The following CNKSR3 variants were observed in gnomAD, a reference collection of about 807,000 sequenced individuals.
The protein encoded by CNKSR3 is CNKSR family member 3.
A neutral mutation model predicts 67.7 loss-of-function variants in CNKSR3; 36 were observed. That is an observed-to-expected ratio of 0.53 (90% CI 0.41 to 0.70). The LOEUF (loss-of-function observed/expected upper bound fraction) is 0.70. Ranked by LOEUF, CNKSR3 falls within the 30% of genes least tolerant of loss-of-function variation. CNKSR3 has a pLI of 0.00. For synonymous variants in CNKSR3, 281 were observed against 271.4 expected (o/e 1.04, Z -0.35); for missense variants, 630 against 695.2 (o/e 0.91, Z 1.05).
At chr6:154,433,530 T>A in intron 4 of CNKSR3, 23 bp from the exon 5 acceptor site, 1 of 1,562,788 alleles carries the variant, frequency 6.4e-7, no homozygotes, top group Non-Finnish European at 8.8e-7. Context: ...ATGGAGAAAA[T>A]GAATACTAAG....
chr6:154,389,377 A>G lies in CNKSR3; in HGVS notation c.*16977T>C, dbSNP rs1341937790. On this transcript the variant is annotated 3_prime_UTR_variant, in exon 13 of 13. Transcript: ENST00000607772. ...TTCCCCATTATGTATTCTTGGCACC[A>G]TTGTTGAAGATCAGTTGACAATATA... 6.6e-6 allele frequency: 1 copy of G among 152,402 alleles called. No homozygotes were observed. Among genetic ancestry groups the G allele is most frequent in the Non-Finnish European group, 1.5e-5 (1 of 68,042 alleles). The allele number at this position is 152,402 out of a possible 1,614,324, so 9.4% of individuals were successfully genotyped here.
At chr6:154,437,295 C>G (rs1358956408) in intron 4 of CNKSR3, among the ~76,000 whole-genome samples, 1 of 152,008 alleles carries the variant, frequency 6.6e-6, no homozygotes, top group Non-Finnish European at 1.5e-5. Flanking sequence ...GCTACCATCA[C>G]AACGCACATG....
At chr6:154,487,256 T>C (rs74611690) in intron 1 of CNKSR3, among the ~76,000 whole-genome samples, 17 of 152,330 alleles carry the variant, frequency 1.1e-4, no homozygotes, top group Admixed American at 7.2e-4. Context: ...GATTTTTTTT[T>C]CCAGGATATG....
intron 9 of CNKSR3, among the ~76,000 whole-genome samples, chr6:154,421,588 G>C (rs137901281): frequency 6.6e-6 from 1 of 152,120 alleles, no homozygotes; most frequent in Non-Finnish European, 1.5e-5. Context: ...CCCAGGTGTC[G>C]GCAATAAGAG....
chr6:154,482,901 A>G (rs1045990607), intron 1 of CNKSR3, among the ~76,000 whole-genome samples: 1 of 152,190 alleles, frequency 6.6e-6, no homozygotes, highest in Admixed American at 6.5e-5. Flanking sequence ...TTAATCAGAG[A>G]TGATTTTCCA....
chr6:154,469,214 C>T (rs1054639500), intron 1 of CNKSR3, among the ~76,000 whole-genome samples: 1 of 152,094 alleles, frequency 6.6e-6, no homozygotes, highest in African/African-American at 2.4e-5. Flanking sequence ...TCATCTTCAA[C>T]CCCATTTTGC....
intron 1 of CNKSR3, among the ~76,000 whole-genome samples, chr6:154,500,491 G>A (rs146642380): frequency 4.9e-3 from 749 of 152,268 alleles, no homozygotes; most frequent in Non-Finnish European, 7.9e-3. Flanking sequence ...GGGACTCACA[G>A]CTGGGTGTGA....
intron 1 of CNKSR3, among the ~76,000 whole-genome samples, chr6:154,488,529 A>G (rs1786723061): frequency 6.6e-6 from 1 of 152,242 alleles, no homozygotes. Flanking sequence ...GAAAATACGA[A>G]AAAGATACTA....
At chr6:154,457,735 G>T (rs1785989074) in intron 1 of CNKSR3, among the ~76,000 whole-genome samples, 1 of 152,094 alleles carries the variant, frequency 6.6e-6, no homozygotes, top group Admixed American at 6.5e-5. Context: ...AGAAAGTGGT[G>T]GCCATGCTCA....
chr6:154,473,973 C>T (rs897371481), intron 1 of CNKSR3, among the ~76,000 whole-genome samples: 6 of 151,244 alleles, frequency 4.0e-5, no homozygotes, highest in African/African-American at 1.5e-4. Flanking sequence ...TTAGTATAGA[C>T]GGGGTTTCAC....
chr6:154,480,209 T>C (rs1444678689), intron 1 of CNKSR3, among the ~76,000 whole-genome samples: 1 of 152,228 alleles, frequency 6.6e-6, no homozygotes, highest in Non-Finnish European at 1.5e-5. Context: ...TGAGCCCTTC[T>C]GTATTCCACA....
intron 1 of CNKSR3, among the ~76,000 whole-genome samples, chr6:154,462,944 T>C (rs542569460): frequency 1.3e-5 from 2 of 152,220 alleles, no homozygotes; most frequent in African/African-American, 4.8e-5. Context: ...ACTTTGGGAT[T>C]GGTTGAATGA....
intron 1 of CNKSR3, among the ~76,000 whole-genome samples, chr6:154,461,569 C>A: frequency 6.6e-6 from 1 of 152,202 alleles, no homozygotes. Flanking sequence ...AATTACTTAA[C>A]CTCTCTGTGC....
intron 9 of CNKSR3, among the ~76,000 whole-genome samples, chr6:154,419,837 T>C (rs1785102117): frequency 6.6e-6 from 1 of 152,078 alleles, no homozygotes; most frequent in South Asian, 2.1e-4. Context: ...CCTAGCACTT[T>C]GGGAGGCTGA....
chr6:154,502,343 C>G (rs1166984590), intron 1 of CNKSR3, among the ~76,000 whole-genome samples: 5 of 151,468 alleles, frequency 3.3e-5, no homozygotes, highest in Non-Finnish European at 4.4e-5. Context: ...AGGTGCCCAC[C>G]ACCATGCCCA....
intron 4 of CNKSR3, among the ~76,000 whole-genome samples, chr6:154,440,531 G>A (rs867688415): frequency 7.3e-4 from 111 of 152,304 alleles, no homozygotes; most frequent in African/African-American, 2.6e-3. Flanking sequence ...TAAGATCACA[G>A]AAGCTCAATC....
intron 1 of CNKSR3, among the ~76,000 whole-genome samples, chr6:154,482,285 A>G (rs1209000644): frequency 6.6e-6 from 1 of 152,194 alleles, no homozygotes; most frequent in African/African-American, 2.4e-5. Context: ...CTGGTGCCAC[A>G]GTAATAAACT....
intron 1 of CNKSR3, among the ~76,000 whole-genome samples, chr6:154,462,293 T>C (rs1467404711): frequency 1.4e-5 from 2 of 146,252 alleles, no homozygotes; most frequent in Non-Finnish European, 3.0e-5. Flanking sequence ...CAGTATTCTT[T>C]CCGGTGAACC....
Position 154,446,939 on chromosome 6 carries a change from G to A in CNKSR3, c.216+3156C>T, listed in dbSNP as rs143223182. ...CCTGCCTCAGCCTCCCAAGTAGCTG[G>A]GACTACAGGCACCCGCTACCACACC... On this transcript the variant is annotated intron_variant, in intron 2 of 12. Transcript: ENST00000607772. 6.7e-3 allele frequency among the ~76,000 whole-genome samples: 1,019 copies of A among 151,910 alleles called. 8 individuals carry two copies. Among genetic ancestry groups the A allele is most frequent in the African/African-American group, 0.024 (977 of 41,424 alleles).
Sources: allele counts gnomAD v4.1 joint callset (sites outside exome capture counted in the v4.1 genomes callset), GRCh38; gene constraint gnomAD v4.1.1; transcripts MANE v1.5; gene names NCBI Gene and HGNC (gene_info 2026-07-23, HGNC 2026-07-21).